ELMO1: variants seen among roughly 807,000 people sequenced by gnomAD.
The protein encoded by ELMO1 is engulfment and cell motility protein 1.
In ELMO1, 26 loss-of-function variants were observed where a neutral mutation model predicts 98.9. That is an observed-to-expected ratio of 0.26 (90% CI 0.19 to 0.36). The LOEUF is 0.36. Ranked by LOEUF, ELMO1 falls within the 10% of genes least tolerant of loss-of-function variation. ELMO1 has a pLI of 1.00. For synonymous variants in ELMO1, 346 were observed against 346.0 expected, an observed-to-expected ratio of 1.00 and a Z score of 0.00; for missense variants, 627 against 935.2, an observed-to-expected ratio of 0.67 and a Z score of 4.30.
chr7:37,112,752 G>A (rs1013169763), intron 14 of ELMO1, among the ~76,000 whole-genome samples: 1 of 152,146 alleles, frequency 6.6e-6, no homozygotes, highest in Non-Finnish European at 1.5e-5. Flanking sequence ...CAGGGAAAAA[G>A]TTGATAAAAT....
intron 2 of ELMO1, among the ~76,000 whole-genome samples, chr7:37,335,435 G>A (rs867577464): frequency 1.4e-4 from 22 of 152,148 alleles, no homozygotes; most frequent in African/African-American, 5.1e-4. Context: ...CACATACAGT[G>A]CCTGCAGACA....
chr7:37,362,905 G>A (rs1285006326), intron 1 of ELMO1, among the ~76,000 whole-genome samples: 1 of 152,214 alleles, frequency 6.6e-6, no homozygotes, highest in Admixed American at 6.5e-5. Flanking sequence ...AGTGACAGAG[G>A]CACTGGAGAG....
chr7:36,983,969 T>C (rs1376035098), intron 16 of ELMO1, among the ~76,000 whole-genome samples: 1 of 140,794 alleles, frequency 7.1e-6, no homozygotes, highest in Non-Finnish European at 1.6e-5. Context: ...TTTTAGATTT[T>C]TTTTTTTTTT....
At chr7:36,948,300 G>A (rs1230713269) in intron 16 of ELMO1, among the ~76,000 whole-genome samples, 2 of 152,040 alleles carry the variant, frequency 1.3e-5, no homozygotes, top group African/African-American at 4.8e-5. Context: ...GCAATGTGAG[G>A]GACCCAAGTT....
chr7:37,290,132 T>G (rs1797599528), intron 4 of ELMO1, among the ~76,000 whole-genome samples: 1 of 152,242 alleles, frequency 6.6e-6, no homozygotes, highest in Admixed American at 6.5e-5. Context: ...CTCTCTGCCA[T>G]GAATGTGGCT....
At chr7:36,976,337 A>G (rs889952239) in intron 16 of ELMO1, among the ~76,000 whole-genome samples, 7 of 152,240 alleles carry the variant, frequency 4.6e-5, no homozygotes, top group Non-Finnish European at 1.0e-4. Flanking sequence ...TCATCCTATC[A>G]TACTTCTCTG....
intron 15 of ELMO1, among the ~76,000 whole-genome samples, chr7:37,057,961 T>A (rs1429875510): frequency 6.6e-6 from 1 of 152,222 alleles, no homozygotes; most frequent in African/African-American, 2.4e-5. Context: ...AAGAGCAAGA[T>A]GTTATTAACC....
chr7:36,978,149 A>G (rs149441029), intron 16 of ELMO1, among the ~76,000 whole-genome samples: 1 of 152,154 alleles, frequency 6.6e-6, no homozygotes, highest in African/African-American at 2.4e-5. Context: ...TAGCAAGTCA[A>G]TGAATGTTTC....
intron 15 of ELMO1, among the ~76,000 whole-genome samples, chr7:37,056,535 G>C (rs1001065209): frequency 2.6e-5 from 4 of 152,206 alleles, no homozygotes; most frequent in African/African-American, 9.7e-5. Flanking sequence ...TTTTTGAAGA[G>C]GAAAAGGATG....
intron 14 of ELMO1, among the ~76,000 whole-genome samples, chr7:37,128,920 T>C (rs538256845): frequency 6.6e-6 from 1 of 152,278 alleles, no homozygotes; most frequent in African/African-American, 2.4e-5. Flanking sequence ...TACAATGTTC[T>C]AGGATTTAAA....
chr7:37,448,802 T>C lies in ELMO1; in HGVS notation c.-201A>G. On this transcript the variant is annotated 5_prime_UTR_variant, in exon 1 of 22. Transcript: ENST00000310758. ...GGGGCCGCGGCGGCGTGGGTGGCTC[T>C]GCCTCTATCCTGTGCCCATCCTCGC... 6.5e-6 allele frequency: 1 copy of C among 153,140 alleles called. No homozygotes were observed. The allele number at this position is 153,140 out of a possible 1,614,324, so 9.5% of individuals were successfully genotyped here.
intron 1 of ELMO1, among the ~76,000 whole-genome samples, chr7:37,400,672 A>G (rs1419118616): frequency 6.6e-6 from 1 of 152,208 alleles, no homozygotes; most frequent in Non-Finnish European, 1.5e-5. Flanking sequence ...AGAATATTTG[A>G]TAAATTCCAT....
chr7:37,172,978 G>A (rs555194660), intron 13 of ELMO1, among the ~76,000 whole-genome samples: 4 of 152,084 alleles, frequency 2.6e-5, no homozygotes, highest in African/African-American at 4.8e-5. Context: ...CAGGGAACTC[G>A]GATCCTGAAA....
chr7:37,053,285 AACACACAC>A (rs59573752), intron 15 of ELMO1, among the ~76,000 whole-genome samples: 2,727 of 138,850 alleles, frequency 0.02, 46 homozygotes, highest in African/African-American at 0.048. Flanking sequence ...CATTTGTTAA[AACACACAC>A]ACACACACAC....
rs569390674 is a variant in ELMO1, at chr7:37,078,094, G to A, written c.1300+18525C>T. Among the ~76,000 whole-genome samples, 4 of 152,236 alleles carry A rather than the reference G, an allele frequency of 2.6e-5. No individual in the cohort carries two copies. In the East Asian group the frequency reaches 5.8e-4, roughly 22 times the overall value. ...GCTGCAGGCCCATGATGCTTTCAGA[G>A]GCCCCTGAAAATATTTTAAGTTCAA... On this transcript the variant is annotated intron_variant, in intron 15 of 21. Transcript: ENST00000310758.
chr7:36,999,988 T>C (rs17170824), intron 16 of ELMO1, among the ~76,000 whole-genome samples: 36,304 of 152,074 alleles, frequency 0.24, 5,406 homozygotes, highest in African/African-American at 0.43. Flanking sequence ...TTCTGGTACA[T>C]GCACAAGCAA....
At chr7:37,043,401 G>A (rs1227121504) in intron 15 of ELMO1, among the ~76,000 whole-genome samples, 2 of 152,156 alleles carry the variant, frequency 1.3e-5, no homozygotes, top group Non-Finnish European at 2.9e-5. Context: ...AATTAGTGGT[G>A]CCCCAGAAAG....
At chr7:37,411,065 G>T (rs781126630) in intron 1 of ELMO1, among the ~76,000 whole-genome samples, 1 of 152,176 alleles carries the variant, frequency 6.6e-6, no homozygotes, top group Non-Finnish European at 1.5e-5. Flanking sequence ...ACAGGAAGTA[G>T]GAACAAGAAG....
At chr7:36,882,631 A>G (rs1861360) in intron 18 of ELMO1, among the ~76,000 whole-genome samples, 145,246 of 152,322 alleles carry the variant, frequency 0.95, 69,339 homozygotes, top group East Asian at 1. Context: ...ACATAGCTGG[A>G]TGACACACCT....
Sources: allele counts gnomAD v4.1 joint callset (sites outside exome capture counted in the v4.1 genomes callset), GRCh38; gene constraint gnomAD v4.1.1; transcripts MANE v1.5; gene names NCBI Gene and HGNC (gene_info 2026-07-23, HGNC 2026-07-21).